The following PCDHGB2 variants were observed in gnomAD, a reference collection of about 807,000 sequenced individuals.
PCDHGB2 encodes protocadherin gamma-B2.
In PCDHGB2, 55 loss-of-function variants were observed where a neutral mutation model predicts 59.3. The ratio of observed to expected loss-of-function variants is 0.93; its 90% CI spans 0.75 to 1.16. The LOEUF (loss-of-function observed/expected upper bound fraction) is 1.16. Among genes scored for constraint, PCDHGB2 ranks in the 50% most tolerant of loss-of-function variants. The probability of loss-of-function intolerance (pLI) is 0.00; values close to 1 mark genes in which losing one functional copy is unlikely to be tolerated. For synonymous variants in PCDHGB2, 516 were observed against 512.0 expected (o/e 1.01, Z -0.11); for missense variants, 1,228 against 1,198.5 (o/e 1.02, Z -0.36).
At chr5:141,371,046 G>A (rs748244003) in intron 1 of PCDHGB2, 1 of 1,613,962 alleles carries the variant, frequency 6.2e-7, no homozygotes, top group South Asian at 1.1e-5. Context: ...TGTGGATGGG[G>A]GCGAGCCCTC....
chr5:141,366,311 ACCGTTG>A (rs1051076797), intron 1 of PCDHGB2: 10 of 1,613,648 alleles, frequency 6.2e-6, no homozygotes, highest in Non-Finnish European at 6.8e-6. Flanking sequence ...CTTCACGGTC[ACCGTTG>A]CCGTGGCCGA....
Position 141,464,802 on chromosome 5 carries a change from A to G in PCDHGB2, c.2422-30005A>G, listed in dbSNP as rs545738780. ...TGCCCAGGCCAAATTGCAGTGATGC[A>G]GTCATAGCTCACTGTAGCCTCGCAC... On this transcript the variant is annotated intron_variant, in intron 1 of 3. Transcript: ENST00000522605. Among the ~76,000 whole-genome samples, 25 of 152,032 alleles carry G rather than the reference A, an allele frequency of 1.6e-4. No homozygotes were observed. In the East Asian group the frequency reaches 4.8e-3, roughly 29 times the overall value.
At chr5:141,465,767 T>A (rs1427458413) in intron 1 of PCDHGB2, among the ~76,000 whole-genome samples, 1 of 152,016 alleles carries the variant, frequency 6.6e-6, no homozygotes, top group Non-Finnish European at 1.5e-5. Context: ...TCATGTTTCA[T>A]CTCTTGTTAC....
intron 2 of PCDHGB2, among the ~76,000 whole-genome samples, chr5:141,500,184 TTTTATTTATTTATTTATTTA>T (rs58019021): frequency 1.5e-5 from 2 of 135,966 alleles, no homozygotes; most frequent in Non-Finnish European, 3.2e-5. Flanking sequence ...TCATTTTTAT[TTTTATTTATTTATTTATTTA>T]TTTATTTATT....
Position 141,485,057 on chromosome 5 carries a change from C to A in PCDHGB2, c.2422-9750C>A, listed in dbSNP as rs2099605934. ...GTAACCCTTGCGGCGCCGGCCGAACCGCGCCAGAGCTGGCGCGGGGAAAGG... is the reference window on the plus strand; with the variant it reads ...GTAACCCTTGCGGCGCCGGCCGAACAGCGCCAGAGCTGGCGCGGGGAAAGG... On this transcript the variant is annotated intron_variant, in intron 1 of 3. Coordinates refer to ENST00000522605, the MANE Select transcript of PCDHGB2 (RefSeq NM_018923.3). The surrounding 1 kb of genome is among the most constrained non-coding windows in gnomAD (Gnocchi z 5.7). The A allele has an allele frequency of 2.4e-6, 2 of 843,718 alleles. No homozygotes were observed. Among genetic ancestry groups the A allele is most frequent in the South Asian group, 1.7e-5 (1 of 59,950 alleles). 52.3% of individuals were successfully genotyped at this position (843,718 alleles called of 1,614,324 possible).
intron 1 of PCDHGB2, chr5:141,417,867 G>C (rs1182017096): frequency 1.9e-6 from 3 of 1,552,610 alleles, no homozygotes; most frequent in African/African-American, 2.7e-5. Flanking sequence ...ACGATGGGAG[G>C]GAGCTGCGCG....
At chr5:141,406,002 A>G (rs1348687108) in intron 1 of PCDHGB2, among the ~76,000 whole-genome samples, 1 of 151,598 alleles carries the variant, frequency 6.6e-6, no homozygotes, top group Non-Finnish European at 1.5e-5. Flanking sequence ...CTCAGCCTGC[A>G]TTGATGTGGG....
chr5:141,395,547 TGTGTGTGTG>T (rs754815609), intron 1 of PCDHGB2: 25,854 of 174,180 alleles, frequency 0.15, 2,316 homozygotes, highest in South Asian at 0.18. Flanking sequence ...ATTGTTTGTG[TGTGTGTGTG>T]TGTGTGTGTG....
chr5:141,394,361 G>A (rs2092984834), intron 1 of PCDHGB2: 15 of 1,614,072 alleles, frequency 9.3e-6, no homozygotes, highest in Non-Finnish European at 1.2e-5. Context: ...TCCTGTATGC[G>A]CTGCAATCTT....
chr5:141,366,073 C>A (rs766163319), intron 1 of PCDHGB2: 1 of 1,614,234 alleles, frequency 6.2e-7, no homozygotes, highest in South Asian at 1.1e-5. Flanking sequence ...CGCCTCGCTC[C>A]GCAGAACCTG....
At position 141,360,029 on chromosome 5, in the gene PCDHGB2, G is replaced by A; in HGVS notation, c.-107G>A. On this transcript the variant is annotated 5_prime_UTR_variant, in exon 1 of 4. Coordinates refer to ENST00000522605, the MANE Select transcript of PCDHGB2 (RefSeq NM_018923.3). ...CAACCACACAGAGAAGGCCAGTATAGATTCGGAAACAGAAAACAAAAGCAG... is the reference window on the plus strand; with the variant it reads ...CAACCACACAGAGAAGGCCAGTATAAATTCGGAAACAGAAAACAAAAGCAG... The A allele has an allele frequency of 7.3e-7, 1 of 1,375,698 alleles. No homozygotes were observed. Among genetic ancestry groups the A allele is most frequent in the Non-Finnish European group, 9.6e-7 (1 of 1,036,904 alleles). 85.2% of individuals were successfully genotyped at this position (1,375,698 alleles called of 1,614,324 possible).
chr5:141,427,138 A>G (rs1397576025), intron 1 of PCDHGB2: 1 of 456,954 alleles, frequency 2.2e-6, no homozygotes, highest in Non-Finnish European at 4.4e-6. Context: ...CTACGAGATG[A>G]TATTGGAAAT....
At chr5:141,415,702 GC>G (rs754496290) in intron 1 of PCDHGB2, 1 of 1,403,056 alleles carries the variant, frequency 7.1e-7, no homozygotes, top group South Asian at 1.3e-5. Context: ...AAGTGTAAAT[GC>G]TAAAACACTG....
chr5:141,486,552 A>C lies in PCDHGB2; in HGVS notation c.2422-8255A>C. The C allele has an allele frequency of 6.2e-7, 1 of 1,614,136 alleles. No individual in the cohort carries two copies. The highest frequency in any genetic ancestry group is 1.1e-5 in the South Asian group (1 of 91,082). On this transcript the variant is annotated intron_variant, in intron 1 of 3. Coordinates refer to ENST00000522605, the MANE Select transcript of PCDHGB2 (RefSeq NM_018923.3). This position sits in a 1 kb window ranked among gnomAD's most constrained non-coding sequence, Gnocchi z 5.0. The stretch of plus-strand genomic sequence containing the variant: ...CCACCCTCTTTCTTTCAGAGGTCAC[A>C]TGAGGTGTTTGTTCCTGAGAACAAT...
chr5:141,364,945 G>A (rs543776650), intron 1 of PCDHGB2: 6 of 1,613,918 alleles, frequency 3.7e-6, no homozygotes, highest in South Asian at 3.3e-5. Context: ...GCGAGAAAGA[G>A]ACTGTTCACG....
At chr5:141,370,582 C>T (rs1455382111) in intron 1 of PCDHGB2, 1 of 1,613,890 alleles carries the variant, frequency 6.2e-7, no homozygotes, top group Non-Finnish European at 8.5e-7. Context: ...GATTTACCTA[C>T]TAGGAACCTG....
At chr5:141,498,318 G>T (rs927950671) in intron 2 of PCDHGB2, among the ~76,000 whole-genome samples, 2 of 151,792 alleles carry the variant, frequency 1.3e-5, no homozygotes, top group African/African-American at 4.8e-5. Flanking sequence ...TGCCTACACA[G>T]AAGGAAGAGC....
intron 1 of PCDHGB2, chr5:141,415,051 C>T: frequency 3.1e-6 from 5 of 1,613,458 alleles, no homozygotes; most frequent in South Asian, 1.1e-5. Flanking sequence ...GGTGGGGGAG[C>T]ACACGGGCGA....
In PCDHGB2 at chr5:141,487,822, G is replaced by T. The variant is rs1406642768; in HGVS notation, c.2422-6985G>T. ...TGTCACAGTTTAGCATTGGGGGCGG[G>T]TCATGCCTATATCTGAGTAAGAAAT... On this transcript the variant is annotated intron_variant, in intron 1 of 3. Coordinates refer to ENST00000522605, the MANE Select transcript of PCDHGB2 (RefSeq NM_018923.3). This position sits in a 1 kb window ranked among gnomAD's most constrained non-coding sequence, Gnocchi z 5.0. The T allele has an allele frequency of 3.1e-6, 4 of 1,278,640 alleles. No homozygotes were observed. The East Asian group carries it at 7.6e-5, about 24-fold the overall frequency. 79.2% of individuals were successfully genotyped at this position (1,278,640 alleles called of 1,614,324 possible). A position where few individuals can be genotyped will look rare whatever the true frequency, so the allele number is the denominator to read the frequency against.
Sources: gnomAD v4.1 joint callset for allele counts (sites outside exome capture counted in the v4.1 genomes callset) on GRCh38, gnomAD v4.1.1 for gene constraint, Gnocchi (gnomAD v3.1) non-coding constraint, MANE v1.5 for transcripts, NCBI Gene and HGNC (gene_info 2026-07-23, HGNC 2026-07-21) for gene names.